WWOX: variants seen among roughly 807,000 people sequenced by gnomAD.
The protein encoded by WWOX is WW domain containing oxidoreductase.
WWOX carries 69 observed loss-of-function variants against 46.2 expected under a neutral mutation model. The observed-to-expected ratio is 1.49, with a 90% confidence interval of 1.23 to 1.82. WWOX has a LOEUF of 1.82. WWOX is among the 40% of genes most tolerant of loss of function. WWOX has a pLI of 0.00. For missense variants in WWOX, 919 were observed against 542.6 expected (o/e 1.69, Z -6.89); for synonymous variants, 359 against 202.6 (o/e 1.77, Z -6.56).
chr16:79,160,638 G>A (rs2150748957), intron 8 of WWOX, among the ~76,000 whole-genome samples: 1 of 152,234 alleles, frequency 6.6e-6, no homozygotes, highest in South Asian at 2.1e-4. Context: ...TATGGGTCAA[G>A]CAGATCTGCA....
chr16:78,988,831 C>A (rs931952677), intron 8 of WWOX, among the ~76,000 whole-genome samples: 2 of 152,184 alleles, frequency 1.3e-5, no homozygotes, highest in East Asian at 3.9e-4. Context: ...TTGTGTGCAT[C>A]CCTGGGGCCA....
At chr16:79,200,719 A>G (rs1038119344) in intron 8 of WWOX, among the ~76,000 whole-genome samples, 4 of 152,120 alleles carry the variant, frequency 2.6e-5, no homozygotes, top group Non-Finnish European at 5.9e-5. Flanking sequence ...CAAAGACATG[A>G]AAAACTCTGG....
At chr16:79,012,239 A>AT (rs146494644) in intron 8 of WWOX, among the ~76,000 whole-genome samples, 2,802 of 151,516 alleles carry the variant, frequency 0.018, 85 homozygotes, top group African/African-American at 0.061. Flanking sequence ...TGACATCTTA[A>AT]TTTTTCTTTT....
chr16:78,398,568 C>A (rs1043174174), intron 6 of WWOX, among the ~76,000 whole-genome samples: 1 of 152,182 alleles, frequency 6.6e-6, no homozygotes, highest in African/African-American at 2.4e-5. Flanking sequence ...ATCAGCAACA[C>A]ACCCAATCAT....
intron 8 of WWOX, among the ~76,000 whole-genome samples, chr16:78,773,346 A>T (rs1020200017): frequency 6.6e-6 from 1 of 152,180 alleles, no homozygotes; most frequent in African/African-American, 2.4e-5. Context: ...GGTTTCAGGA[A>T]TGTTCAGCTG....
chr16:78,904,232 G>A (rs2044901873), intron 8 of WWOX, among the ~76,000 whole-genome samples: 1 of 133,422 alleles, frequency 7.5e-6, no homozygotes, highest in South Asian at 2.3e-4. Flanking sequence ...TCTTATAAAT[G>A]CCTTTTTTTT....
At chr16:78,630,527 A>T (rs1007026408) in intron 8 of WWOX, among the ~76,000 whole-genome samples, 1 of 152,188 alleles carries the variant, frequency 6.6e-6, no homozygotes, top group African/African-American at 2.4e-5. Context: ...CTGGTAGACA[A>T]TACTTCATAT....
At chr16:78,965,171 T>C (rs761841693) in intron 8 of WWOX, among the ~76,000 whole-genome samples, 1 of 152,168 alleles carries the variant, frequency 6.6e-6, no homozygotes, top group Non-Finnish European at 1.5e-5. Flanking sequence ...AGAGGGAAAG[T>C]GAACTAAGCT....
chr16:78,437,352 T>C (rs1246662941), intron 8 of WWOX, among the ~76,000 whole-genome samples: 2 of 152,238 alleles, frequency 1.3e-5, no homozygotes, highest in Non-Finnish European at 2.9e-5. Context: ...AATTTTACAA[T>C]TGGATGTTCT....
intron 5 of WWOX, among the ~76,000 whole-genome samples, chr16:78,364,843 C>CT (rs1233874320): frequency 1.3e-5 from 2 of 152,170 alleles, no homozygotes; most frequent in African/African-American, 4.8e-5. Flanking sequence ...GTTTTCTGTG[C>CT]TTTTTCCTAC....
chr16:79,042,730 T>TG lies in WWOX; in HGVS notation c.1057-168878_1057-168877insG, dbSNP rs1425846407. 2.0e-5 allele frequency among the ~76,000 whole-genome samples: 3 copies of TG among 150,478 alleles called. No homozygotes were observed. In the East Asian group the frequency reaches 5.8e-4, roughly 29 times the overall value. On this transcript the variant is annotated intron_variant, in intron 8 of 8. Coordinates refer to ENST00000566780, the MANE Select transcript of WWOX (RefSeq NM_016373.4). ...GGGAAGACAGATGAATACTCAGGGT[T>TG]TTTTTTTTTTTTTCTTCTAACTTGT...
At chr16:78,897,057 G>T (rs115303577) in intron 8 of WWOX, 3 of 147,670 alleles carry the variant, frequency 2.0e-5, no homozygotes, top group African/African-American at 7.5e-5. Context: ...GTGAAACCCC[G>T]CCTCCACTAA....
intron 5 of WWOX, among the ~76,000 whole-genome samples, chr16:78,218,652 G>T (rs752772104): frequency 6.6e-6 from 1 of 152,212 alleles, no homozygotes; most frequent in Non-Finnish European, 1.5e-5. Context: ...GTGTTCTCTA[G>T]ATTTATGATG....
intron 8 of WWOX, among the ~76,000 whole-genome samples, chr16:79,014,718 T>C (rs1033280579): frequency 6.6e-6 from 1 of 152,196 alleles, no homozygotes; most frequent in Admixed American, 6.5e-5. Flanking sequence ...GGCATAGAAA[T>C]TGAGTCACTT....
chr16:78,153,927 A>G (rs1366295476), intron 4 of WWOX, among the ~76,000 whole-genome samples: 2 of 152,072 alleles, frequency 1.3e-5, no homozygotes, highest in East Asian at 3.9e-4. Flanking sequence ...GAGCTTTGTC[A>G]GTATTTGAGG....
intron 8 of WWOX, among the ~76,000 whole-genome samples, chr16:78,810,248 A>G (rs1418581153): frequency 6.6e-6 from 1 of 152,240 alleles, no homozygotes; most frequent in Non-Finnish European, 1.5e-5. Context: ...ACACAGTCTT[A>G]TTCTCAGCTG....
chr16:79,027,622 C>T (rs1464611680), intron 8 of WWOX, among the ~76,000 whole-genome samples: 2 of 151,848 alleles, frequency 1.3e-5, no homozygotes, highest in Admixed American at 6.5e-5. Flanking sequence ...CTCTTCCTTT[C>T]CTATCGTGAA....
chr16:78,541,576 A>C (rs954895875), intron 8 of WWOX, among the ~76,000 whole-genome samples: 1 of 148,936 alleles, frequency 6.7e-6, no homozygotes, highest in African/African-American at 2.4e-5. Flanking sequence ...TCTGGATAGG[A>C]TAGGGTATAA....
intron 5 of WWOX, among the ~76,000 whole-genome samples, chr16:78,279,423 A>T (rs1284641576): frequency 6.6e-6 from 1 of 152,184 alleles, no homozygotes; most frequent in Non-Finnish European, 1.5e-5. Flanking sequence ...AATATTCCCA[A>T]AGTATATTAT....
Sources: gnomAD v4.1 joint callset for allele counts (sites outside exome capture counted in the v4.1 genomes callset) on GRCh38, gnomAD v4.1.1 for gene constraint, MANE v1.5 for transcripts, NCBI Gene and HGNC (gene_info 2026-07-23, HGNC 2026-07-21) for gene names.